KIF3A: variants seen among roughly 807,000 people sequenced by gnomAD.
The protein encoded by KIF3A is kinesin family member 3A, also known as kinesin-like protein KIF3A.
A neutral mutation model predicts 92.6 loss-of-function variants in KIF3A; 27 were observed. That is an observed-to-expected ratio of 0.29 (90% CI 0.21 to 0.40). The LOEUF (loss-of-function observed/expected upper bound fraction) is 0.40, where lower values mean the gene tolerates loss of function less well. Ranked by LOEUF, KIF3A falls within the 10% of genes least tolerant of loss-of-function variation. The pLI, the probability that KIF3A is intolerant of heterozygous loss-of-function variation, is 1.00. For synonymous variants in KIF3A, 250 were observed against 275.4 expected (o/e 0.91, Z 0.92); for missense variants, 581 against 872.6 (o/e 0.67, Z 4.21).
At position 132,695,005 on chromosome 5, in the gene KIF3A, T is replaced by C. The variant is rs754379664; in HGVS notation, c.*1629A>G. 2.4e-4 allele frequency: 36 copies of C among 152,248 alleles called. No homozygotes were observed. The highest frequency in any genetic ancestry group is 4.6e-4 in the Non-Finnish European group (31 of 68,022). 9.4% of individuals were successfully genotyped at this position (152,248 alleles called of 1,614,324 possible). A position where few individuals can be genotyped will look rare whatever the true frequency, so the allele number is the denominator to read the frequency against. On this transcript the variant is annotated 3_prime_UTR_variant, in exon 19 of 19. Transcript: ENST00000403231. ...CCCTACTCTATACACAGCTTTGTCA[T>C]TTAAACTAGGATTTAACAAAACTTA...
chr5:132,718,221 A>G lies in KIF3A; in HGVS notation c.617-1237T>C, dbSNP rs375449389. 1.4e-4 allele frequency among the ~76,000 whole-genome samples: 22 copies of G among 152,320 alleles called. No homozygotes were observed. In the South Asian group the frequency reaches 2.3e-3, roughly 16 times the overall value. On this transcript the variant is annotated intron_variant, in intron 5 of 18. Coordinates refer to ENST00000403231, the MANE Select transcript of KIF3A (RefSeq NM_001300791.2). ...AAATGGGGTAAGGCAGTACATACATACTGTTCTACAATTTGCTTTTATCCC... is the reference window on the plus strand; with the variant it reads ...AAATGGGGTAAGGCAGTACATACATGCTGTTCTACAATTTGCTTTTATCCC...
In KIF3A at chr5:132,700,755, T is replaced by C. The variant is rs1247949490; in HGVS notation, c.1885-55A>G. 18 of 1,148,392 alleles carry C rather than the reference T, an allele frequency of 1.6e-5. No individual in the cohort carries two copies. The African/African-American group carries it at 2.0e-4, about 13-fold the overall frequency. 71.1% of individuals were successfully genotyped at this position (1,148,392 alleles called of 1,614,324 possible). A position where few individuals can be genotyped will look rare whatever the true frequency, so the allele number is the denominator to read the frequency against. ...TTAATATTTAATAACATCTAAAATA[T>C]TGAAGTCATAAAACTAAAATCTTAA... On this transcript the variant is annotated intron_variant, in intron 15 of 18. Transcript: ENST00000403231.
intron 2 of KIF3A, among the ~76,000 whole-genome samples, chr5:132,732,185 G>A (rs1754255359): frequency 3.9e-5 from 6 of 152,230 alleles, no homozygotes; most frequent in Admixed American, 3.9e-4. Flanking sequence ...TGGCAAAGAT[G>A]TGAAGAAATC....
rs998020490 is a variant in KIF3A at position 132,696,398 on chromosome 5, T to C, written c.*236A>G. ...CTGTTCCCCCAACTTCCCTGCACAG[T>C]ACAATTGAAGAGTAGTAGTACAACA... On this transcript the variant is annotated 3_prime_UTR_variant, in exon 19 of 19. Coordinates refer to ENST00000403231, the MANE Select transcript of KIF3A (RefSeq NM_001300791.2). The C allele has an allele frequency of 1.1e-5, 5 of 447,128 alleles. No homozygotes were observed. The highest frequency in any genetic ancestry group is 2.0e-5 in the Non-Finnish European group (5 of 247,380). 27.7% of individuals were successfully genotyped at this position (447,128 alleles called of 1,614,324 possible).
At chr5:132,731,321 T>G (rs958650675) in intron 2 of KIF3A, among the ~76,000 whole-genome samples, 1 of 152,140 alleles carries the variant, frequency 6.6e-6, no homozygotes, top group African/African-American at 2.4e-5. Flanking sequence ...TAATGCATCA[T>G]GACCAAGTGG....
At chr5:132,715,152 T>C (rs1202996261) in intron 8 of KIF3A, among the ~76,000 whole-genome samples, 1 of 152,190 alleles carries the variant, frequency 6.6e-6, no homozygotes, top group Non-Finnish European at 1.5e-5. Flanking sequence ...GTTTCTCGCA[T>C]TAAGGTGCAA....
intron 5 of KIF3A, among the ~76,000 whole-genome samples, chr5:132,719,978 T>C (rs909214899): frequency 6.6e-6 from 1 of 152,218 alleles, no homozygotes; most frequent in Admixed American, 6.5e-5. Flanking sequence ...GCCTAGTTAA[T>C]GCAGACTACT....
At chr5:132,721,496 G>A (rs1753822704) in intron 4 of KIF3A, 1 of 152,130 alleles carries the variant, frequency 6.6e-6, no homozygotes. Context: ...GCCATTCCAC[G>A]GGTAGGAAGA....
intron 11 of KIF3A, among the ~76,000 whole-genome samples, chr5:132,706,084 G>C (rs1753200342): frequency 6.6e-6 from 1 of 152,116 alleles, no homozygotes; most frequent in South Asian, 2.1e-4. Flanking sequence ...TAACCGGCCA[G>C]GGTAAGTCAA....
At chr5:132,725,617 C>T (rs1417871332) in intron 4 of KIF3A, among the ~76,000 whole-genome samples, 2 of 152,116 alleles carry the variant, frequency 1.3e-5, no homozygotes, top group South Asian at 2.1e-4. Context: ...AATTTCAGTT[C>T]CCACATCAGT....
intron 4 of KIF3A, 105 bp from the exon 5 acceptor site, chr5:132,720,819 G>T: frequency 1.6e-6 from 1 of 629,074 alleles, no homozygotes; most frequent in South Asian, 2.2e-5. Flanking sequence ...GGAATATACT[G>T]ATAAGATAGA....
Position 132,699,242 on chromosome 5 carries a change from C to A in KIF3A, c.2061G>T (p.Leu687=), listed in dbSNP as rs773787875. The change falls in exon 18 of 19, where the codon CTG becomes CTT. Residue 687 remains leucine, a synonymous_variant. Coordinates refer to ENST00000403231, the MANE Select transcript of KIF3A (RefSeq NM_001300791.2). ...HVYLAYTEES[L]RQSLMKLERP... is the part of the protein sequence containing the mutation. Reference sequence around the variant, plus strand: ...TTTCTAGTTTCATCAAAGACTGACGCAGACTCTCCTCAGTATAGGCAAGAT... The same window carrying A: ...TTTCTAGTTTCATCAAAGACTGACGAAGACTCTCCTCAGTATAGGCAAGAT... 6.2e-7 allele frequency: 1 copy of A among 1,613,414 alleles called. No homozygotes were observed. Among genetic ancestry groups the A allele is most frequent in the Non-Finnish European group, 8.5e-7 (1 of 1,179,468 alleles).
Position 132,726,336 on chromosome 5 carries a change from A to T in KIF3A, c.425+18T>A. On this transcript the variant is annotated intron_variant, in intron 3 of 18. Coordinates refer to ENST00000403231, the MANE Select transcript of KIF3A (RefSeq NM_001300791.2). ...TTTGTACTTCTCAATATCAGAAAAT[A>T]AAAGAATTCCCTTTTACCTTGTATC... 2 of 1,611,950 alleles carry T rather than the reference A, an allele frequency of 1.2e-6. No homozygotes were observed. Among genetic ancestry groups the T allele is most frequent in the Non-Finnish European group, 1.7e-6 (2 of 1,178,426 alleles).
intron 18 of KIF3A, among the ~76,000 whole-genome samples, chr5:132,698,789 GCATGATCT>G (rs60422077): frequency 0.88 from 131,773 of 149,258 alleles, 58,252 homozygotes; most frequent in East Asian, 0.92. Context: ...AAGTTCAGTG[GCATGATCT>G]CATGATCTCG....
chr5:132,704,724 T>C (rs1753150858), intron 11 of KIF3A, among the ~76,000 whole-genome samples: 2 of 151,938 alleles, frequency 1.3e-5, no homozygotes, highest in Admixed American at 1.3e-4. Context: ...TTAACTTCCT[T>C]CCCAAAGAAC....
intron 4 of KIF3A, among the ~76,000 whole-genome samples, chr5:132,722,339 A>C (rs1044852064): frequency 1.3e-5 from 2 of 152,232 alleles, no homozygotes; most frequent in Admixed American, 1.3e-4. Flanking sequence ...ATCAAAAAAA[A>C]CACAGGAATT....
intron 5 of KIF3A, among the ~76,000 whole-genome samples, chr5:132,717,224 C>G (rs999517056): frequency 1.3e-5 from 2 of 152,114 alleles, no homozygotes; most frequent in Admixed American, 1.3e-4. Context: ...AAAATAATTT[C>G]AATCCCTAGT....
intron 4 of KIF3A, among the ~76,000 whole-genome samples, chr5:132,724,524 T>C (rs1210400539): frequency 6.6e-6 from 1 of 151,940 alleles, no homozygotes; most frequent in African/African-American, 2.4e-5. Context: ...ACCAGCATTC[T>C]CAGCAAACTA....
At chr5:132,718,005 T>C (rs1416505754) in intron 5 of KIF3A, among the ~76,000 whole-genome samples, 3 of 152,200 alleles carry the variant, frequency 2.0e-5, no homozygotes, top group Admixed American at 1.3e-4. Flanking sequence ...TTTGTTTTTT[T>C]AATAAAAGCA....
Sources: allele counts gnomAD v4.1 joint callset (sites outside exome capture counted in the v4.1 genomes callset), GRCh38; gene constraint gnomAD v4.1.1; transcripts MANE v1.5; gene names NCBI Gene and HGNC (gene_info 2026-07-23, HGNC 2026-07-21).